The following MAGI2 variants were observed in gnomAD, a reference collection of about 807,000 sequenced individuals.
MAGI2 encodes membrane-associated guanylate kinase, WW and PDZ domain-containing protein 2.
In MAGI2, 35 loss-of-function variants were observed where a neutral mutation model predicts 133.3. The observed-to-expected ratio is 0.26, with a 90% CI of 0.20 to 0.35. The LOEUF (loss-of-function observed/expected upper bound fraction) is 0.35. MAGI2 is among the 10% of genes least tolerant of loss of function. MAGI2 has a pLI of 1.00. For synonymous variants in MAGI2, 729 were observed against 710.6 expected (o/e 1.03, Z -0.41); for missense variants, 1,636 against 1,863.4 (o/e 0.88, Z 2.25).
intron 1 of MAGI2, chr7:79,353,568 A>T: frequency 2.3e-6 from 1 of 443,100 alleles, no homozygotes; most frequent in Middle Eastern, 6.7e-4. Context: ...TGTTTCTCTC[A>T]GGCCTGCTGT....
At chr7:78,151,157 G>GA (rs1161829511) in intron 16 of MAGI2, among the ~76,000 whole-genome samples, 1 of 150,294 alleles carries the variant, frequency 6.7e-6, no homozygotes, top group Non-Finnish European at 1.5e-5. Context: ...TGTAATTTGG[G>GA]AAAAAAAACT....
Position 78,961,412 on chromosome 7 carries a change from A to G in MAGI2, c.418+45678T>C, listed in dbSNP as rs374298235. ...AGAAGAGAGAAACAACTTCTTTTCTATCCCAGAAAAACATCTCCTTTGGCT... is the reference window on the plus strand; with the variant it reads ...AGAAGAGAGAAACAACTTCTTTTCTGTCCCAGAAAAACATCTCCTTTGGCT... On this transcript the variant is annotated intron_variant, in intron 2 of 21. Transcript: ENST00000354212. Among the ~76,000 whole-genome samples the G allele has an allele frequency of 2.0e-4, 31 of 152,190 alleles. No homozygotes were observed. In the South Asian group the frequency reaches 6.0e-3, roughly 30 times the overall value.
chr7:78,293,205 C>T (rs1796898111), intron 9 of MAGI2, among the ~76,000 whole-genome samples: 1 of 152,124 alleles, frequency 6.6e-6, no homozygotes, highest in Non-Finnish European at 1.5e-5. Context: ...GCCTAATATC[C>T]AGAATCTACA....
At chr7:78,514,389 G>A (rs1004274689) in intron 4 of MAGI2, among the ~76,000 whole-genome samples, 2 of 152,002 alleles carry the variant, frequency 1.3e-5, no homozygotes, top group Non-Finnish European at 2.9e-5. Flanking sequence ...AATTAGGGCA[G>A]TTATAACTTT....
intron 2 of MAGI2, among the ~76,000 whole-genome samples, chr7:78,708,291 A>G (rs1227146052): frequency 6.6e-6 from 1 of 152,178 alleles, no homozygotes; most frequent in African/African-American, 2.4e-5. Context: ...GCTCAATGAA[A>G]AGAAATTATG....
intron 1 of MAGI2, among the ~76,000 whole-genome samples, chr7:79,387,828 A>T (rs1844301330): frequency 6.6e-6 from 1 of 151,930 alleles, no homozygotes; most frequent in Admixed American, 6.6e-5. Context: ...AACATGATGG[A>T]AATTTTAATA....
At chr7:78,491,601 C>G (rs946557342) in intron 5 of MAGI2, among the ~76,000 whole-genome samples, 1 of 151,940 alleles carries the variant, frequency 6.6e-6, no homozygotes, top group Non-Finnish European at 1.5e-5. Flanking sequence ...TTTATTTTTC[C>G]TCAATTTGAC....
At chr7:78,486,372 G>A (rs1793007446) in intron 6 of MAGI2, 1 of 152,778 alleles carries the variant, frequency 6.5e-6, no homozygotes, top group Admixed American at 6.5e-5. Flanking sequence ...AAACATGGTA[G>A]GATAGGGTTT....
At chr7:78,352,885 C>A (rs1164501782) in intron 7 of MAGI2, 1 of 152,182 alleles carries the variant, frequency 6.6e-6, no homozygotes, top group Non-Finnish European at 1.5e-5. Context: ...TTACTCTTCA[C>A]TAATTCCATG....
intron 6 of MAGI2, among the ~76,000 whole-genome samples, chr7:78,443,343 A>C (rs1161459851): frequency 6.6e-6 from 1 of 152,120 alleles, no homozygotes; most frequent in East Asian, 1.9e-4. Context: ...GACCTCACAT[A>C]GTGGTAGCAA....
chr7:78,798,884 C>T (rs1787836976), intron 2 of MAGI2, among the ~76,000 whole-genome samples: 1 of 152,134 alleles, frequency 6.6e-6, no homozygotes, highest in African/African-American at 2.4e-5. Flanking sequence ...CATGGCCTAG[C>T]AGGTGAATTC....
At chr7:78,599,408 A>G (rs1250768431) in intron 3 of MAGI2, among the ~76,000 whole-genome samples, 2 of 152,188 alleles carry the variant, frequency 1.3e-5, no homozygotes, top group Non-Finnish European at 2.9e-5. Flanking sequence ...TTTACTTTCC[A>G]GAGCCTCCCT....
At chr7:78,627,788 T>C (rs1808531467) in intron 2 of MAGI2, among the ~76,000 whole-genome samples, 1 of 152,256 alleles carries the variant, frequency 6.6e-6, no homozygotes, top group Admixed American at 6.5e-5. Context: ...GCAAAACCTT[T>C]ACTATTACTT....
intron 1 of MAGI2, among the ~76,000 whole-genome samples, chr7:79,135,606 T>G (rs1052093347): frequency 6.6e-6 from 1 of 152,092 alleles, no homozygotes; most frequent in Non-Finnish European, 1.5e-5. Flanking sequence ...ACATCTTCCT[T>G]TTCTGTTTCT....
At chr7:78,108,697 C>CACAA (rs1818968452) in intron 20 of MAGI2, among the ~76,000 whole-genome samples, 1 of 122,138 alleles carries the variant, frequency 8.2e-6, no homozygotes, top group African/African-American at 2.6e-5. Flanking sequence ...AGTGTATACA[C>CACAA]ACACATATGT....
chr7:79,250,701 A>G (rs1212765543), intron 1 of MAGI2, among the ~76,000 whole-genome samples: 1 of 152,172 alleles, frequency 6.6e-6, no homozygotes, highest in South Asian at 2.1e-4. Flanking sequence ...TGCAATCTCT[A>G]TCAAAATTCC....
intron 2 of MAGI2, among the ~76,000 whole-genome samples, chr7:78,842,732 C>T (rs916440538): frequency 5.9e-5 from 9 of 151,756 alleles, no homozygotes; most frequent in Middle Eastern, 3.6e-3. Flanking sequence ...AACTGAAGTA[C>T]AAAAATGTTA....
chr7:79,333,245 A>G (rs1840211296), intron 1 of MAGI2, among the ~76,000 whole-genome samples: 1 of 151,956 alleles, frequency 6.6e-6, no homozygotes, highest in Admixed American at 6.6e-5. Flanking sequence ...CTCCTCCCTC[A>G]GCCTCATGAG....
chr7:78,293,575 C>T (rs897376106), intron 9 of MAGI2, among the ~76,000 whole-genome samples: 21 of 152,300 alleles, frequency 1.4e-4, no homozygotes, highest in Non-Finnish European at 2.4e-4. Flanking sequence ...CCCAGCCATC[C>T]CATTACTGGG....
Sources: gnomAD v4.1 joint callset for allele counts (sites outside exome capture counted in the v4.1 genomes callset) on GRCh38, gnomAD v4.1.1 for gene constraint, MANE v1.5 for transcripts, NCBI Gene and HGNC (gene_info 2026-07-23, HGNC 2026-07-21) for gene names.